RNF130: variants seen among roughly 807,000 people sequenced by gnomAD.
The protein encoded by RNF130 is E3 ubiquitin-protein ligase RNF130.
Under a neutral mutation model 44.6 loss-of-function variants are expected in RNF130, and 21 were observed. The observed-to-expected ratio is 0.47, with a 90% confidence interval of 0.33 to 0.68. RNF130 has a LOEUF of 0.68. Among genes scored for constraint, RNF130 ranks in the 30% least tolerant of loss-of-function variants. The pLI, the probability that RNF130 is intolerant of heterozygous loss-of-function variation, is 0.02. For missense variants in RNF130, 479 were observed against 560.6 expected (o/e 0.85, Z 1.47); for synonymous variants, 214 against 210.4 (o/e 1.02, Z -0.15).
exon 8 of RNF130, chr5:179,911,673 A>T (rs759720170): frequency 3.9e-5 from 6 of 152,248 alleles, no homozygotes; most frequent in Non-Finnish European, 5.9e-5. Flanking sequence ...ATAGGTTTTT[A>T]TTGAAATGGT....
At chr5:179,921,850 G>A (rs1424688102) in intron 7 of RNF130, among the ~76,000 whole-genome samples, 2 of 148,178 alleles carry the variant, frequency 1.3e-5, no homozygotes, top group African/African-American at 5.2e-5. Context: ...GTGAAACCCC[G>A]TCTCTACTAA....
exon 8 of RNF130, chr5:179,913,122 A>C (rs892613981): frequency 6.6e-6 from 1 of 152,284 alleles, no homozygotes; most frequent in African/African-American, 2.4e-5. Flanking sequence ...CCGAGTTCCC[A>C]CAGGAGAATG....
At chr5:179,950,498 G>A (rs79556046), downstream of RNF130, among the ~76,000 whole-genome samples, 2,546 of 152,290 alleles carry the variant, frequency 0.017, 76 homozygotes, top group African/African-American at 0.056. Context: ...GCATGCACAT[G>A]TGCACACAAA....
Position 179,970,448 on chromosome 5 carries a change from T to A in RNF130, c.907A>T (p.Met303Leu). Residue 303 changes from methionine (M) to leucine (L), a missense_variant, in exon 6 of 9, where the codon ATG (methionine) becomes TTG (leucine). Met to Leu is a conservative substitution (Grantham distance 15, BLOSUM62 2). Around this residue, in one of 3 missense-constraint regions of RNF130, gnomAD observed 161 missense variants for 158.6 expected, o/e 1.02. Coordinates refer to ENST00000521389, the MANE Select transcript of RNF130 (RefSeq NM_018434.6). ...GCCTTCAATATATTAAGTTTGCACA[T>A]AGGACAGGTACAATGTTCACTAAGC... Reference protein sequence around the residue: ...PWLSEHCTCPMCKLNILKALG... With the variant: ...PWLSEHCTCPLCKLNILKALG... The A allele has an allele frequency of 6.2e-7, 1 of 1,613,570 alleles. No homozygotes were observed. The highest frequency in any genetic ancestry group is 8.5e-7 in the Non-Finnish European group (1 of 1,179,766).
At chr5:180,049,785 TTATTC>T (rs1485539951) in intron 1 of RNF130, among the ~76,000 whole-genome samples, 3 of 152,194 alleles carry the variant, frequency 2.0e-5, no homozygotes, top group African/African-American at 7.2e-5. Context: ...GTGTTCTTAT[TTATTC>T]TACTTTTCTA....
At chr5:180,006,642 C>T (rs1763468437) in intron 3 of RNF130, among the ~76,000 whole-genome samples, 1 of 152,312 alleles carries the variant, frequency 6.6e-6, no homozygotes, top group East Asian at 1.9e-4. Flanking sequence ...GAATATTTTA[C>T]ATCTGCCCCG....
At chr5:179,989,536 G>A (rs921917350) in intron 3 of RNF130, among the ~76,000 whole-genome samples, 2 of 151,842 alleles carry the variant, frequency 1.3e-5, no homozygotes, top group Admixed American at 6.6e-5. Context: ...TTTACATAAC[G>A]TCTGTTTTAT....
chr5:180,044,711 A>T (rs1764515975), intron 1 of RNF130, among the ~76,000 whole-genome samples: 1 of 152,134 alleles, frequency 6.6e-6, no homozygotes. Flanking sequence ...GGGTGCCTGT[A>T]ATCCCAGCTA....
At chr5:179,997,734 T>G (rs1451234544) in intron 3 of RNF130, among the ~76,000 whole-genome samples, 1 of 152,166 alleles carries the variant, frequency 6.6e-6, no homozygotes, top group Admixed American at 6.5e-5. Context: ...CCCAAAGTGC[T>G]GGGATTATAA....
At position 180,019,307 on chromosome 5, in the gene RNF130, C is replaced by T. The variant is rs533409743; in HGVS notation, c.443-5996G>A. 6.8e-4 allele frequency among the ~76,000 whole-genome samples: 104 copies of T among 151,946 alleles called. 1 individual carries two copies. Among genetic ancestry groups the T allele is most frequent in the African/African-American group, 2.4e-3 (100 of 41,374 alleles). On this transcript the variant is annotated intron_variant, in intron 2 of 8. Transcript: ENST00000521389. ...GCTGAGGCAGGAGAATGGCATGAACCCGGGAGGCGGAGCTTGCAGTGAGCC... is the reference window on the plus strand; with the variant it reads ...GCTGAGGCAGGAGAATGGCATGAACTCGGGAGGCGGAGCTTGCAGTGAGCC...
At chr5:179,947,345 C>T (rs917240710) in intron 7 of RNF130, among the ~76,000 whole-genome samples, 3 of 152,200 alleles carry the variant, frequency 2.0e-5, no homozygotes, top group South Asian at 2.1e-4. Flanking sequence ...CCCTAGGACA[C>T]GTCTCTCACC....
At chr5:179,928,312 G>A (rs1333425849) in intron 7 of RNF130, among the ~76,000 whole-genome samples, 2 of 152,026 alleles carry the variant, frequency 1.3e-5, no homozygotes, top group African/African-American at 2.4e-5. Context: ...ACCAGTAAAT[G>A]AGAATTCCAG....
chr5:180,019,043 CTAT>C (rs2113099907), intron 2 of RNF130, among the ~76,000 whole-genome samples: 2 of 152,242 alleles, frequency 1.3e-5, no homozygotes, highest in South Asian at 4.2e-4. Flanking sequence ...CCTATATAAC[CTAT>C]TATACGTAAA....
chr5:180,056,545 T>A (rs770563624), intron 1 of RNF130, among the ~76,000 whole-genome samples: 2 of 152,028 alleles, frequency 1.3e-5, no homozygotes, highest in Non-Finnish European at 2.9e-5. Flanking sequence ...TGGGCAGAGG[T>A]GGTGTTACCG....
chr5:180,035,665 G>A (rs1764233083), intron 2 of RNF130, among the ~76,000 whole-genome samples: 1 of 152,168 alleles, frequency 6.6e-6, no homozygotes, highest in Non-Finnish European at 1.5e-5. Context: ...TTTTTGCTTT[G>A]TGTATCTTAG....
intron 3 of RNF130, among the ~76,000 whole-genome samples, chr5:179,984,093 T>C (rs372371758): frequency 2.6e-5 from 4 of 152,176 alleles, no homozygotes; most frequent in Non-Finnish European, 4.4e-5. Context: ...TACTCATATA[T>C]AGAAATAAAA....
chr5:179,947,487 G>A (rs1762059476), intron 7 of RNF130, among the ~76,000 whole-genome samples: 1 of 152,206 alleles, frequency 6.6e-6, no homozygotes, highest in South Asian at 2.1e-4. Context: ...TTCTCTAAGA[G>A]GCAAATAGAA....
chr5:179,951,445 G>A (rs1263022561), downstream of RNF130, among the ~76,000 whole-genome samples: 1 of 151,196 alleles, frequency 6.6e-6, no homozygotes, highest in African/African-American at 2.4e-5. Context: ...GTGCAGTGGC[G>A]CGATCTCGGC....
chr5:179,921,143 A>C (rs1221700603), intron 7 of RNF130, among the ~76,000 whole-genome samples: 3 of 152,176 alleles, frequency 2.0e-5, no homozygotes, highest in Non-Finnish European at 4.4e-5. Context: ...TACAATGAAA[A>C]GCACATGTTT....
Sources: allele counts gnomAD v4.1 joint callset (sites outside exome capture counted in the v4.1 genomes callset), GRCh38; gene constraint gnomAD v4.1.1; regional missense constraint gnomAD v4.1.1; transcripts MANE v1.5; gene names NCBI Gene and HGNC (gene_info 2026-07-23, HGNC 2026-07-21).